The following BAZ2B variants were observed in gnomAD, a reference collection of about 807,000 sequenced individuals.
BAZ2B encodes the protein bromodomain adjacent to zinc finger domain protein 2B.
In BAZ2B, 91 loss-of-function variants were observed where a neutral mutation model predicts 246.0. The ratio of observed to expected loss-of-function variants is 0.37; its 90% CI spans 0.31 to 0.44. The LOEUF (loss-of-function observed/expected upper bound fraction) is 0.44. Ranked by LOEUF, BAZ2B falls within the 20% of genes least tolerant of loss-of-function variation. The probability of loss-of-function intolerance (pLI) is 1.00; values close to 1 mark genes in which losing one functional copy is unlikely to be tolerated. For synonymous variants in BAZ2B, 855 were observed against 860.0 expected, an observed-to-expected ratio of 0.99 and a Z score of 0.10; for missense variants, 2,332 against 2,533.7, an observed-to-expected ratio of 0.92 and a Z score of 1.71.
In BAZ2B at chr2:159,525,522, T is replaced by G. The variant is rs117774330; in HGVS notation, c.-3+30301A>C. Among the ~76,000 whole-genome samples, 261 of 152,300 alleles carry G rather than the reference T, an allele frequency of 1.7e-3. 6 individuals carry two copies. The East Asian group carries it at 0.042, about 24-fold the overall frequency. ...ATATCATATATAATTGCCTTCAGTT[T>G]ATGTGTATAAGGTGTAGATGAAACT... On this transcript the variant is annotated intron_variant, in intron 2 of 36. Transcript: ENST00000392783.
intron 8 of BAZ2B, chr2:159,438,057 C>A: frequency 2.5e-6 from 1 of 393,496 alleles, no homozygotes; most frequent in Non-Finnish European, 4.5e-6. Flanking sequence ...GGGGACTTAC[C>A]TTAGGCATGG....
the BAZ2B span, among the ~76,000 whole-genome samples, chr2:159,692,960 C>T: frequency 5.3e-5 from 8 of 152,122 alleles, no homozygotes; most frequent in African/African-American, 1.9e-4. Flanking sequence ...AGGTACGTGC[C>T]ACCATGCCAG....
chr2:159,474,952 T>C (rs575584820), intron 3 of BAZ2B, among the ~76,000 whole-genome samples: 1 of 152,326 alleles, frequency 6.6e-6, no homozygotes, highest in Non-Finnish European at 1.5e-5. Flanking sequence ...GTTCCCTTTG[T>C]GGGTAACCCG....
chr2:159,685,602 A>G, the BAZ2B span, among the ~76,000 whole-genome samples: 1 of 152,206 alleles, frequency 6.6e-6, no homozygotes, highest in Non-Finnish European at 1.5e-5. Context: ...AATGCTCAAA[A>G]AACAAAGGAA....
chr2:159,707,412 A>G, the BAZ2B span, among the ~76,000 whole-genome samples: 1 of 152,028 alleles, frequency 6.6e-6, no homozygotes, highest in African/African-American at 2.4e-5. Flanking sequence ...ATAATAAAAT[A>G]TAGCTGTTGG....
the BAZ2B span, among the ~76,000 whole-genome samples, chr2:159,634,585 T>C: frequency 1.7e-4 from 26 of 152,216 alleles, no homozygotes; most frequent in Non-Finnish European, 2.9e-4. Context: ...GCCTTCACTA[T>C]AGACAAAATA....
At chr2:159,597,592 T>C (rs920950476) in intron 1 of BAZ2B, among the ~76,000 whole-genome samples, 6 of 152,194 alleles carry the variant, frequency 3.9e-5, no homozygotes, top group Admixed American at 3.3e-4. Flanking sequence ...AGTGACGCGA[T>C]GTCAGCTCAC....
intron 27 of BAZ2B, among the ~76,000 whole-genome samples, chr2:159,367,962 T>C: frequency 6.6e-6 from 1 of 152,230 alleles, no homozygotes; most frequent in East Asian, 1.9e-4. Context: ...AGCACCCATT[T>C]ATTTACAGTA....
At chr2:159,432,399 T>G (rs1284851768) in intron 9 of BAZ2B, among the ~76,000 whole-genome samples, 1 of 152,136 alleles carries the variant, frequency 6.6e-6, no homozygotes. Flanking sequence ...TAATTTTATC[T>G]GTGTTCAAAA....
the BAZ2B span, among the ~76,000 whole-genome samples, chr2:159,661,149 T>C: frequency 6.6e-6 from 1 of 152,178 alleles, no homozygotes; most frequent in African/African-American, 2.4e-5. Flanking sequence ...CACTAGAGAT[T>C]TGTCTATTTT....
At chr2:159,557,634 C>A (rs1252631365) in intron 1 of BAZ2B, among the ~76,000 whole-genome samples, 2 of 152,108 alleles carry the variant, frequency 1.3e-5, no homozygotes, top group African/African-American at 2.4e-5. Flanking sequence ...CTTAGAGAGG[C>A]CTTCCTTTAC....
intron 34 of BAZ2B, among the ~76,000 whole-genome samples, chr2:159,330,669 G>T (rs2064581444): frequency 6.6e-6 from 1 of 151,316 alleles, no homozygotes; most frequent in Non-Finnish European, 1.5e-5. Flanking sequence ...GACCAGCCTG[G>T]GCACATAGCG....
Position 159,478,682 on chromosome 2 carries a change from G to T in BAZ2B, c.38C>A (p.Ser13Tyr), listed in dbSNP as rs373791140. Reference sequence around the variant, plus strand: ...CGAAGATGAAGTTGGTGTAGTAGAGGAGGCTGCTGAGGATGGTAACCGTTC... The same window carrying T: ...CGAAGATGAAGTTGGTGTAGTAGAGTAGGCTGCTGAGGATGGTAACCGTTC... ...SGERLPSSAA[S>Y]STTPTSSSTP... Residue 13 changes from serine to tyrosine, a missense_variant, in exon 3 of 37, where the codon TCC becomes TAC. This residue lies in a region of BAZ2B where 242 missense variants were observed against 237.4 expected (regional missense o/e 1.02). Coordinates refer to ENST00000392783, the MANE Select transcript of BAZ2B (RefSeq NM_013450.4). 94 of 1,603,798 alleles carry T rather than the reference G, an allele frequency of 5.9e-5. No individual in the cohort carries two copies. Among genetic ancestry groups the T allele is most frequent in the Non-Finnish European group, 7.5e-5 (88 of 1,174,500 alleles).
chr2:159,656,427 T>C, the BAZ2B span, among the ~76,000 whole-genome samples: 1 of 152,172 alleles, frequency 6.6e-6, no homozygotes, highest in East Asian at 1.9e-4. Flanking sequence ...TATCTACCAT[T>C]ATTGTATCAT....
At chr2:159,631,415 T>G in the BAZ2B span, among the ~76,000 whole-genome samples, 1 of 152,188 alleles carries the variant, frequency 6.6e-6, no homozygotes, top group African/African-American at 2.4e-5. Flanking sequence ...ATACCCACAG[T>G]ATACAGATTA....
chr2:159,499,902 T>C (rs1329040119), intron 2 of BAZ2B, among the ~76,000 whole-genome samples: 2 of 152,238 alleles, frequency 1.3e-5, no homozygotes, highest in African/African-American at 4.8e-5. Context: ...AAGTTCCTTG[T>C]AGACTCTGGA....
the BAZ2B span, among the ~76,000 whole-genome samples, chr2:159,632,119 A>C: frequency 6.6e-6 from 1 of 152,214 alleles, no homozygotes; most frequent in Non-Finnish European, 1.5e-5. Flanking sequence ...AAAATATTGG[A>C]GTAATAGAGA....
chr2:159,510,189 T>C (rs937403111), intron 2 of BAZ2B, among the ~76,000 whole-genome samples: 1 of 152,132 alleles, frequency 6.6e-6, no homozygotes, highest in African/African-American at 2.4e-5. Context: ...TTTTTATTTT[T>C]AAATTTTTTT....
the BAZ2B span, among the ~76,000 whole-genome samples, chr2:159,642,308 G>A: frequency 6.8e-6 from 1 of 147,834 alleles, no homozygotes; most frequent in Non-Finnish European, 1.5e-5. Flanking sequence ...CACCATCTTG[G>A]CTCACTGCAA....
Sources: gnomAD v4.1 joint callset for allele counts (sites outside exome capture counted in the v4.1 genomes callset) on GRCh38, gnomAD v4.1.1 for gene constraint, gnomAD v4.1.1 regional missense constraint, MANE v1.5 for transcripts, NCBI Gene and HGNC (gene_info 2026-07-23, HGNC 2026-07-21) for gene names.